LSAMP: variants seen among roughly 807,000 people sequenced by gnomAD.
The protein encoded by LSAMP is limbic system associated membrane protein.
LSAMP carries 7 observed loss-of-function variants against 38.6 expected under a neutral mutation model. The ratio of observed to expected loss-of-function variants is 0.18; its 90% CI spans 0.10 to 0.34. The LOEUF (loss-of-function observed/expected upper bound fraction) is 0.34, where lower values mean the gene tolerates loss of function less well. LSAMP is among the 10% of genes least tolerant of loss of function. The probability of loss-of-function intolerance (pLI) is 1.00; values close to 1 mark genes in which losing one functional copy is unlikely to be tolerated. For missense variants in LSAMP, 313 were observed against 420.0 expected, an observed-to-expected ratio of 0.75 and a Z score of 2.23; for synonymous variants, 154 against 166.8, an observed-to-expected ratio of 0.92 and a Z score of 0.59.
intron 1 of LSAMP, among the ~76,000 whole-genome samples, chr3:116,318,354 T>C (rs2047661187): frequency 6.6e-6 from 1 of 152,092 alleles, no homozygotes; most frequent in South Asian, 2.1e-4. Context: ...GCTAGTGTGC[T>C]CCAGTTAGTC....
At chr3:115,823,951 T>C (rs750780223) in intron 6 of LSAMP, among the ~76,000 whole-genome samples, 2 of 152,262 alleles carry the variant, frequency 1.3e-5, no homozygotes, top group Admixed American at 1.3e-4. Context: ...TTAACCATTA[T>C]GGGCTTTGCT....
chr3:116,172,182 G>A (rs1365563050), intron 1 of LSAMP, among the ~76,000 whole-genome samples: 1 of 151,844 alleles, frequency 6.6e-6, no homozygotes, highest in Non-Finnish European at 1.5e-5. Flanking sequence ...TCTATGTACA[G>A]ATTAATGATT....
intron 3 of LSAMP, among the ~76,000 whole-genome samples, chr3:115,899,026 C>G (rs1458074147): frequency 6.6e-6 from 1 of 152,104 alleles, no homozygotes; most frequent in African/African-American, 2.4e-5. Context: ...ATAGTCAAAT[C>G]AGTTCAGTAT....
At chr3:116,405,141 A>G (rs2048884117) in intron 1 of LSAMP, among the ~76,000 whole-genome samples, 1 of 152,122 alleles carries the variant, frequency 6.6e-6, no homozygotes, top group Admixed American at 6.6e-5. Flanking sequence ...ATTCAAAAGA[A>G]CAGGCATAGA....
chr3:116,297,757 G>T (rs1472115640), intron 1 of LSAMP, among the ~76,000 whole-genome samples: 1 of 152,130 alleles, frequency 6.6e-6, no homozygotes, highest in East Asian at 1.9e-4. Context: ...TGGTTTATTT[G>T]TATGTAATAA....
At chr3:116,206,887 T>C (rs2046077206) in intron 1 of LSAMP, among the ~76,000 whole-genome samples, 1 of 150,808 alleles carries the variant, frequency 6.6e-6, no homozygotes, top group African/African-American at 2.4e-5. Context: ...TCTGTTGATT[T>C]GGGGTGGAGA....
At chr3:116,339,718 G>A (rs1407121304) in intron 1 of LSAMP, among the ~76,000 whole-genome samples, 1 of 152,012 alleles carries the variant, frequency 6.6e-6, no homozygotes, top group Non-Finnish European at 1.5e-5. Context: ...GCCACCAGAT[G>A]AGAAGTCTGA....
At chr3:116,117,531 A>G (rs112458353) in intron 1 of LSAMP, among the ~76,000 whole-genome samples, 1,587 of 152,246 alleles carry the variant, frequency 0.01, 25 homozygotes, top group African/African-American at 0.036. Flanking sequence ...CATTTTCATA[A>G]TATTTTACCT....
At chr3:116,079,038 A>G (rs1266375844) in intron 2 of LSAMP, among the ~76,000 whole-genome samples, 1 of 152,214 alleles carries the variant, frequency 6.6e-6, no homozygotes, top group East Asian at 1.9e-4. Flanking sequence ...ATTAAAACTT[A>G]TTAATAATCA....
At chr3:115,816,302 C>T (rs909894291) in intron 6 of LSAMP, among the ~76,000 whole-genome samples, 6 of 152,116 alleles carry the variant, frequency 3.9e-5, no homozygotes, top group African/African-American at 1.4e-4. Flanking sequence ...TCCAAAATTG[C>T]AGCTCTGTCA....
intron 1 of LSAMP, among the ~76,000 whole-genome samples, chr3:116,188,626 T>C (rs368137360): frequency 1.3e-5 from 2 of 152,206 alleles, no homozygotes; most frequent in African/African-American, 4.8e-5. Context: ...GCTTCTTTTA[T>C]TGTAACCTAA....
chr3:116,349,285 A>T (rs2048105604), intron 1 of LSAMP, among the ~76,000 whole-genome samples: 1 of 152,064 alleles, frequency 6.6e-6, no homozygotes, highest in Non-Finnish European at 1.5e-5. Context: ...ATCCATCAAT[A>T]TTAGAATAAT....
chr3:115,949,299 G>T (rs1938204974), intron 3 of LSAMP, among the ~76,000 whole-genome samples: 1 of 151,918 alleles, frequency 6.6e-6, no homozygotes, highest in Admixed American at 6.6e-5. Flanking sequence ...CTTCCATTTA[G>T]TTTCTACTTC....
chr3:116,235,502 A>G (rs2046453644), intron 1 of LSAMP, among the ~76,000 whole-genome samples: 1 of 152,178 alleles, frequency 6.6e-6, no homozygotes. Flanking sequence ...AGAGGAAGAG[A>G]GAAAGAGATA....
intron 1 of LSAMP, among the ~76,000 whole-genome samples, chr3:116,209,298 C>G (rs1433419512): frequency 1.3e-5 from 2 of 152,200 alleles, no homozygotes; most frequent in Non-Finnish European, 2.9e-5. Flanking sequence ...CGCCCACTGT[C>G]TGACACTCCC....
At chr3:116,035,237 C>T (rs1297981823) in intron 2 of LSAMP, among the ~76,000 whole-genome samples, 1 of 152,164 alleles carries the variant, frequency 6.6e-6, no homozygotes, top group Admixed American at 6.5e-5. Context: ...AAGACAGTCA[C>T]ATGTTAAATT....
chr3:116,149,742 G>A (rs1709570658), intron 1 of LSAMP, among the ~76,000 whole-genome samples: 1 of 151,948 alleles, frequency 6.6e-6, no homozygotes, highest in Non-Finnish European at 1.5e-5. Flanking sequence ...CTCAAGGAAG[G>A]AGACTTTGTT....
At chr3:116,443,893 G>C (rs1299478531) in intron 1 of LSAMP, among the ~76,000 whole-genome samples, 1 of 152,128 alleles carries the variant, frequency 6.6e-6, no homozygotes, top group Non-Finnish European at 1.5e-5. Flanking sequence ...AGGAGGAAGA[G>C]AAAAGAGAAG....
chr3:116,389,123 G>T (rs1276641963), intron 1 of LSAMP, among the ~76,000 whole-genome samples: 1 of 152,152 alleles, frequency 6.6e-6, no homozygotes, highest in Non-Finnish European at 1.5e-5. Context: ...CAGACAGGAT[G>T]CTGAGACTTC....
Sources: allele counts gnomAD v4.1 joint callset (sites outside exome capture counted in the v4.1 genomes callset), GRCh38; gene constraint gnomAD v4.1.1; transcripts MANE v1.5; gene names NCBI Gene and HGNC (gene_info 2026-07-23, HGNC 2026-07-21).